HECTD4: variants seen among roughly 807,000 people sequenced by gnomAD.
The protein encoded by HECTD4 is probable E3 ubiquitin-protein ligase HECTD4.
HECTD4 carries 114 observed loss-of-function variants against 471.5 expected under a neutral mutation model. That is an observed-to-expected ratio of 0.24 (90% confidence interval 0.21 to 0.28). HECTD4 has a LOEUF of 0.28. Among genes scored for constraint, HECTD4 ranks in the 10% least tolerant of loss-of-function variants. HECTD4 has a pLI of 1.00. For synonymous variants in HECTD4, 2,012 were observed against 2,256.0 expected (o/e 0.89, Z 3.07); for missense variants, 3,866 against 5,651.5 (o/e 0.68, Z 10.13).
intron 1 of HECTD4, among the ~76,000 whole-genome samples, chr12:112,325,545 T>G (rs2035724993): frequency 6.6e-6 from 1 of 152,206 alleles, no homozygotes; most frequent in African/African-American, 2.4e-5. Flanking sequence ...TTCTGGTACT[T>G]ATGAATATTA....
intron 32 of HECTD4, among the ~76,000 whole-genome samples, chr12:112,240,454 C>CTT (rs1007880733): frequency 1.4e-5 from 2 of 142,742 alleles, no homozygotes; most frequent in African/African-American, 2.6e-5. Context: ...CTTTTCTTTT[C>CTT]TTTTTTTTTT....
intron 9 of HECTD4, among the ~76,000 whole-genome samples, chr12:112,277,723 C>T (rs1348725235): frequency 6.6e-6 from 1 of 152,222 alleles, no homozygotes; most frequent in African/African-American, 2.4e-5. Flanking sequence ...TCTCTTCTCA[C>T]ATCACACAGC....
chr12:112,209,984 T>C (rs550940650), intron 50 of HECTD4, 31 bp downstream of exon 50: 49 of 1,539,844 alleles, frequency 3.2e-5, no homozygotes, highest in Admixed American at 1.3e-4. Context: ...CAGGAAGCCA[T>C]GGAGGCAGTA....
chr12:112,218,412 C>T (rs2032992871), intron 45 of HECTD4, among the ~76,000 whole-genome samples: 1 of 152,150 alleles, frequency 6.6e-6, no homozygotes, highest in Non-Finnish European at 1.5e-5. Context: ...CCTTAACTCT[C>T]CTTTGCCCCC....
At chr12:112,169,694 C>T (rs768087129) in intron 69 of HECTD4, 36 bp from the exon 70 acceptor site, 45 of 1,609,728 alleles carry the variant, frequency 2.8e-5, no homozygotes, top group South Asian at 9.9e-5. Flanking sequence ...AGCACCCCGC[C>T]GTGGCCGCCC....
intron 8 of HECTD4, 96 bp downstream of exon 8, chr12:112,283,014 G>A: frequency 1.1e-6 from 1 of 915,672 alleles, no homozygotes; most frequent in Admixed American, 3.0e-5. Context: ...CTATGCAAAG[G>A]AAAGGGCTTT....
chr12:112,306,349 T>G (rs2035271174), intron 6 of HECTD4, 115 bp from the exon 7 acceptor site: 1 of 871,656 alleles, frequency 1.1e-6, no homozygotes, highest in African/African-American at 1.7e-5. Context: ...GGCTTTCTGG[T>G]CAAAATAAAA....
In HECTD4 at chr12:112,167,455, T is replaced by G. The variant is rs774361215; in HGVS notation, c.12396A>C (p.Ala4132=). The part of the protein sequence containing the change: ...LHFLGQLLGI[A]IRADVPLPLD... ...GGGGCAGCGGGACGTCTGCCCGAAT[T>G]GCAATCCCCAGCAGCTGCCCCAGGA... The change falls in exon 72 of 76, where the codon GCA becomes GCC. Residue 4132 remains alanine (A), a synonymous_variant. Coordinates refer to ENST00000682272, the MANE Select transcript of HECTD4 (RefSeq NM_001388303.1). 1.2e-6 allele frequency: 2 copies of G among 1,613,440 alleles called. No homozygotes were observed. The highest frequency in any genetic ancestry group is 2.2e-5 in the South Asian group (2 of 91,024).
chr12:112,179,485 G>GGAAAC lies in HECTD4; in HGVS notation c.10988-89_10988-88insGTTTC. The GGAAAC allele has an allele frequency of 1.7e-6, 2 of 1,179,422 alleles. No individual in the cohort carries two copies. Among genetic ancestry groups the GGAAAC allele is most frequent in the Non-Finnish European group, 2.4e-6 (2 of 818,280 alleles). 73.1% of individuals were successfully genotyped at this position (1,179,422 alleles called of 1,614,324 possible). On this transcript the variant is annotated intron_variant, in intron 62 of 75. Transcript: ENST00000682272. The surrounding 1 kb of genome is among the most constrained non-coding windows in gnomAD (Gnocchi z 4.3). ...AGCATTCTGTTTCCAAACACTGTTT[G>GGAAAC]AAAGGGGCAGTGGATGGACATTAGT...
chr12:112,230,988 C>G (rs1253283682), intron 39 of HECTD4, 166 bp from the exon 40 acceptor site: 1 of 626,520 alleles, frequency 1.6e-6, no homozygotes, highest in Non-Finnish European at 2.7e-6. Context: ...AGGAAGAAAT[C>G]ACTGTGTCAT....
At chr12:112,266,819 T>C (rs1171005079) in intron 14 of HECTD4, 93 bp downstream of exon 14, 2 of 726,096 alleles carry the variant, frequency 2.8e-6, no homozygotes, top group African/African-American at 3.5e-5. Flanking sequence ...CTAACATACA[T>C]GAAGAAGTGT....
At chr12:112,259,323 C>G (rs952835762) in intron 18 of HECTD4, 58 bp from the exon 19 acceptor site, 1 of 1,558,464 alleles carries the variant, frequency 6.4e-7, no homozygotes, top group African/African-American at 1.4e-5. Flanking sequence ...TGTGAAGAAG[C>G]ACTAATGTCA....
chr12:112,368,967 C>T (rs1340913325), intron 1 of HECTD4, among the ~76,000 whole-genome samples: 1 of 152,176 alleles, frequency 6.6e-6, no homozygotes, highest in African/African-American at 2.4e-5. Context: ...AACTGCTGTG[C>T]ATTCTGAGCA....
chr12:112,378,259 C>G (rs1013967014), intron 1 of HECTD4, among the ~76,000 whole-genome samples: 1 of 152,070 alleles, frequency 6.6e-6, no homozygotes, highest in African/African-American at 2.4e-5. Context: ...CGCTATGTTG[C>G]CCAGGCTGGA....
chr12:112,265,094 TAC>T, intron 16 of HECTD4, 79 bp downstream of exon 16: 1 of 1,317,934 alleles, frequency 7.6e-7, no homozygotes, highest in South Asian at 1.5e-5. Flanking sequence ...TCTGTATGTA[TAC>T]ACACACCTGT....
Position 112,235,730 on chromosome 12 carries a change from G to A in HECTD4, c.5499C>T (p.Leu1833=), listed in dbSNP as rs1270998059. 6.2e-7 allele frequency: 1 copy of A among 1,613,798 alleles called. No homozygotes were observed. The highest frequency in any genetic ancestry group is 1.3e-5 in the African/African-American group (1 of 74,942). The change falls in exon 36 of 76, where the codon CTC becomes CTT. Residue 1833 remains leucine, a synonymous_variant. Transcript: ENST00000682272. The surrounding 1 kb of genome is among the most constrained non-coding windows in gnomAD (Gnocchi z 5.0). ...LSQPACVSKL[L]SLLLDQRPSP... ...ACGGGCGTTGGTCAAGCAGCAGGGA[G>A]AGGAGTTTGGACACACAAGCTGGCT...
chr12:112,183,004 A>G lies in HECTD4; in HGVS notation c.10987+55T>C, dbSNP rs1360856378. The G allele has an allele frequency of 3.1e-6, 4 of 1,276,820 alleles. No homozygotes were observed. The African/African-American group carries it at 4.5e-5, about 14-fold the overall frequency. 79.1% of individuals were successfully genotyped at this position (1,276,820 alleles called of 1,614,324 possible). ...ATTTTAATGCAGATTTTTTTCTGTG[A>G]GCCTAAAATTGCTCCACAAAAAGTC... is the stretch of plus-strand genomic sequence containing the variant. On this transcript the variant is annotated intron_variant, in intron 62 of 75. Transcript: ENST00000682272.
chr12:112,319,201 A>C lies in HECTD4; in HGVS notation c.695+24T>G. The C allele has an allele frequency of 6.5e-7, 1 of 1,535,364 alleles. No individual in the cohort carries two copies. The highest frequency in any genetic ancestry group is 8.7e-7 in the Non-Finnish European group (1 of 1,146,418). ...GGTGGCAGTAGTCACAAGGTCACCA[A>C]ATGATACATTCGATTTTCCTTACCT... On this transcript the variant is annotated intron_variant, in intron 2 of 75. Transcript: ENST00000682272. The surrounding 1 kb of genome is among the most constrained non-coding windows in gnomAD (Gnocchi z 5.3).
At position 112,262,515 on chromosome 12, in the gene HECTD4, C is replaced by CAAAAAAA. The variant is rs758273849; in HGVS notation, c.2749-1093_2749-1087dup. Among the ~76,000 whole-genome samples, 20 of 19,756 alleles carry CAAAAAAA rather than the reference C, an allele frequency of 1.0e-3. 3 individuals are homozygous for CAAAAAAA. The highest frequency in any genetic ancestry group is 3.5e-3 in the Admixed American group (4 of 1,136). 13.0% of individuals were successfully genotyped at this position (19,756 alleles called of 152,430 possible). On this transcript the variant is annotated intron_variant, in intron 17 of 75. Coordinates refer to ENST00000682272, the MANE Select transcript of HECTD4 (RefSeq NM_001388303.1). Reference sequence around the variant, plus strand: ...TGGGCGACAAAGAGAGACTCCATCTCAAAAAAAAAAAAAAAAAAAAAAAAA... The same window carrying CAAAAAAA: ...TGGGCGACAAAGAGAGACTCCATCTCAAAAAAAAAAAAAAAAAAAAAAAAAAAAAAAA...
Sources: gnomAD v4.1 joint callset for allele counts (sites outside exome capture counted in the v4.1 genomes callset) on GRCh38, gnomAD v4.1.1 for gene constraint, Gnocchi (gnomAD v3.1) non-coding constraint, MANE v1.5 for transcripts, NCBI Gene and HGNC (gene_info 2026-07-23, HGNC 2026-07-21) for gene names.